The following ALK variants were observed in gnomAD, a reference collection of about 807,000 sequenced individuals.
ALK encodes ALK tyrosine kinase receptor.
A neutral mutation model predicts 163.1 loss-of-function variants in ALK; 74 were observed. The observed-to-expected ratio is 0.45, with a 90% confidence interval of 0.38 to 0.55. ALK has a LOEUF of 0.55. ALK is among the 20% of genes least tolerant of loss of function. The probability of loss-of-function intolerance (pLI) is 0.00; values close to 1 mark genes in which losing one functional copy is unlikely to be tolerated. For synonymous variants in ALK, 960 were observed against 843.2 expected, an observed-to-expected ratio of 1.14 and a Z score of -2.40; for missense variants, 2,063 against 2,105.3, an observed-to-expected ratio of 0.98 and a Z score of 0.39.
At chr2:29,540,580 G>T (rs868217756) in intron 3 of ALK, among the ~76,000 whole-genome samples, 20 of 74,590 alleles carry the variant, frequency 2.7e-4, no homozygotes, top group African/African-American at 5.6e-4. Context: ...GAAGAATTAT[G>T]TTTTTTTTTT....
chr2:29,440,989 G>A (rs1670525981), intron 4 of ALK, among the ~76,000 whole-genome samples: 1 of 152,148 alleles, frequency 6.6e-6, no homozygotes, highest in Non-Finnish European at 1.5e-5. Context: ...GCTCTGGCTG[G>A]CCAAGTCTCC....
At chr2:29,741,736 C>G (rs1005464299) in intron 1 of ALK, among the ~76,000 whole-genome samples, 1 of 152,090 alleles carries the variant, frequency 6.6e-6, no homozygotes, top group Non-Finnish European at 1.5e-5. Context: ...AAGACAAAAG[C>G]CTCTTTGGCC....
chr2:29,829,148 T>C (rs10865514), intron 1 of ALK, among the ~76,000 whole-genome samples: 60,736 of 121,950 alleles, frequency 0.5, 14,910 homozygotes, highest in East Asian at 0.77. Flanking sequence ...GGGAACATCA[T>C]ACACCAGGGC....
At chr2:29,752,919 A>G (rs1198678319) in intron 1 of ALK, among the ~76,000 whole-genome samples, 19 of 152,148 alleles carry the variant, frequency 1.2e-4, no homozygotes, top group Admixed American at 6.5e-5. Context: ...TCCTGGATTG[A>G]TGCCTACACT....
intron 1 of ALK, among the ~76,000 whole-genome samples, chr2:29,876,632 C>CGGTGAT (rs1187609851): frequency 7.3e-6 from 1 of 137,092 alleles, no homozygotes; most frequent in East Asian, 2.3e-4. Context: ...GTGGTGATGG[C>CGGTGAT]GGTGATGGTG....
chr2:29,327,120 G>A (rs1667287823), intron 6 of ALK, among the ~76,000 whole-genome samples: 1 of 152,248 alleles, frequency 6.6e-6, no homozygotes, highest in South Asian at 2.1e-4. Flanking sequence ...GGGCTCTGCG[G>A]TGATTACTTC....
chr2:29,786,221 G>A lies in ALK; in HGVS notation c.668-68524C>T, dbSNP rs186634877. 2.3e-4 allele frequency among the ~76,000 whole-genome samples: 35 copies of A among 151,486 alleles called. No homozygotes were observed. In the South Asian group the frequency reaches 2.7e-3, roughly 12 times the overall value. Reference sequence around the variant, plus strand: ...CTTCCTTTTCCCATCCAGTCTTTTCGTTTCTTTCCCTTATATTATCTGAAA... The same window carrying A: ...CTTCCTTTTCCCATCCAGTCTTTTCATTTCTTTCCCTTATATTATCTGAAA... On this transcript the variant is annotated intron_variant, in intron 1 of 28. Coordinates refer to ENST00000389048, the MANE Select transcript of ALK (RefSeq NM_004304.5).
chr2:29,232,741 C>T (rs779393304), intron 14 of ALK, among the ~76,000 whole-genome samples: 10 of 152,242 alleles, frequency 6.6e-5, no homozygotes, highest in Non-Finnish European at 1.3e-4. Flanking sequence ...CCTCTACTTC[C>T]TCTAGCCCCT....
At chr2:29,279,340 G>C (rs1270912142) in intron 9 of ALK, among the ~76,000 whole-genome samples, 1 of 152,172 alleles carries the variant, frequency 6.6e-6, no homozygotes, top group African/African-American at 2.4e-5. Context: ...TCCACCCGGG[G>C]CCACCCACAC....
intron 3 of ALK, among the ~76,000 whole-genome samples, chr2:29,653,044 A>AT (rs777761503): frequency 1.1e-4 from 16 of 152,128 alleles, no homozygotes; most frequent in Non-Finnish European, 2.2e-4. Context: ...AAGCAGGGGC[A>AT]TTTTGGGGAC....
At chr2:29,822,020 A>G (rs1387387110) in intron 1 of ALK, among the ~76,000 whole-genome samples, 2 of 152,160 alleles carry the variant, frequency 1.3e-5, no homozygotes, top group African/African-American at 4.8e-5. Flanking sequence ...TAAACCTGAA[A>G]TCAGGCCTTC....
intron 3 of ALK, among the ~76,000 whole-genome samples, chr2:29,632,868 T>C (rs1443844539): frequency 1.3e-5 from 2 of 152,072 alleles, no homozygotes; most frequent in Non-Finnish European, 2.9e-5. Context: ...GATAAAACCA[T>C]CAGATCTCAT....
chr2:29,258,638 T>C (rs1253053664), intron 11 of ALK, among the ~76,000 whole-genome samples: 1 of 152,252 alleles, frequency 6.6e-6, no homozygotes, highest in Non-Finnish European at 1.5e-5. Context: ...AATTTAAACA[T>C]ATTTTTCAGT....
Position 29,353,046 on chromosome 2 carries a change from C to G in ALK, c.1283-24565G>C, listed in dbSNP as rs536666437. ...AGACTGCCTTTGTAGGACTAACAGACTAGCTACAAGATTAGAAATTATTGT... is the reference window on the plus strand; with the variant it reads ...AGACTGCCTTTGTAGGACTAACAGAGTAGCTACAAGATTAGAAATTATTGT... On this transcript the variant is annotated intron_variant, in intron 5 of 28. Coordinates refer to ENST00000389048, the MANE Select transcript of ALK (RefSeq NM_004304.5). 3.3e-5 allele frequency among the ~76,000 whole-genome samples: 5 copies of G among 152,378 alleles called. No individual in the cohort carries two copies. In the East Asian group the frequency reaches 7.7e-4, roughly 23 times the overall value.
chr2:29,799,152 G>T (rs1217408294), intron 1 of ALK, among the ~76,000 whole-genome samples: 2 of 152,138 alleles, frequency 1.3e-5, no homozygotes, highest in Non-Finnish European at 1.5e-5. Context: ...CACCAGCCAG[G>T]TTACTATAAA....
chr2:29,754,249 C>T (rs560715823), intron 1 of ALK, among the ~76,000 whole-genome samples: 28 of 152,290 alleles, frequency 1.8e-4, no homozygotes, highest in African/African-American at 6.5e-4. Context: ...CAAATCCAGG[C>T]TATCCAAGGG....
At chr2:29,505,893 C>G (rs1032955845) in intron 4 of ALK, among the ~76,000 whole-genome samples, 1 of 151,748 alleles carries the variant, frequency 6.6e-6, no homozygotes, top group Non-Finnish European at 1.5e-5. Context: ...AAAACTCAGG[C>G]CTGACATAAT....
At chr2:29,774,208 C>G (rs75793692) in intron 1 of ALK, among the ~76,000 whole-genome samples, 3,710 of 152,284 alleles carry the variant, frequency 0.024, 65 homozygotes, top group South Asian at 0.064. Context: ...TTCTCTCCCC[C>G]CTGTTGCTTT....
chr2:29,214,579 A>AATTG (rs534922735), intron 23 of ALK, among the ~76,000 whole-genome samples: 3 of 152,218 alleles, frequency 2.0e-5, no homozygotes, highest in African/African-American at 4.8e-5. Flanking sequence ...CCAGCGCTAA[A>AATTG]ATTGATTGAA....
Sources: allele counts gnomAD v4.1 joint callset (sites outside exome capture counted in the v4.1 genomes callset), GRCh38; gene constraint gnomAD v4.1.1; transcripts MANE v1.5; gene names NCBI Gene and HGNC (gene_info 2026-07-23, HGNC 2026-07-21).